Variants in ECHDC2 observed in about 807,000 individuals in gnomAD.
The protein encoded by ECHDC2 is enoyl-CoA hydratase domain containing 2.
Under a neutral mutation model 40.6 loss-of-function variants are expected in ECHDC2, and 34 were observed. That is an observed-to-expected ratio of 0.84 (90% CI 0.64 to 1.11). The LOEUF is 1.11. ECHDC2 is among the 50% of genes most tolerant of loss of function. ECHDC2 has a pLI of 0.00. For synonymous variants in ECHDC2, 162 were observed against 166.6 expected (o/e 0.97, Z 0.21); for missense variants, 392 against 400.7 (o/e 0.98, Z 0.19).
At chr1:52,920,352 T>G in intron 1 of ECHDC2, 1 of 670,074 alleles carries the variant, frequency 1.5e-6, no homozygotes, top group Non-Finnish European at 2.7e-6. Context: ...TCAAACTTGT[T>G]GTCAAGCCGG....
chr1:52,904,638 C>A lies in ECHDC2; in HGVS notation c.702+8G>T. ...AGCCCTCCTTCTGGTGCCGAGCTGT[C>A]ACCACACCTGGGGCAGGATCTCCTG... On this transcript the variant is annotated splice_region_variant and intron_variant, in intron 7 of 9. Coordinates refer to ENST00000371522, the MANE Select transcript of ECHDC2 (RefSeq NM_001198961.2). 6.3e-7 allele frequency: 1 copy of A among 1,575,126 alleles called. No homozygotes were observed. Among genetic ancestry groups the A allele is most frequent in the Non-Finnish European group, 8.6e-7 (1 of 1,158,946 alleles).
intron 4 of ECHDC2, 60 bp downstream of exon 4, chr1:52,907,808 G>T: frequency 7.0e-7 from 1 of 1,419,462 alleles, no homozygotes. Context: ...TGGGGGTAGC[G>T]GGACTGTCAT....
chr1:52,904,976 A>AT, intron 6 of ECHDC2, 58 bp downstream of exon 6: 2 of 1,611,498 alleles, frequency 1.2e-6, no homozygotes, highest in Non-Finnish European at 1.7e-6. Context: ...GCAAAAAAGG[A>AT]AAGCAGCGAA....
intron 7 of ECHDC2, among the ~76,000 whole-genome samples, chr1:52,902,643 T>C (rs1434603656): frequency 1.3e-5 from 2 of 152,258 alleles, no homozygotes; most frequent in Non-Finnish European, 2.9e-5. Flanking sequence ...TAAAATGATG[T>C]ATGGTTAACT....
chr1:52,914,933 TCA>T lies in ECHDC2; in HGVS notation c.122-3145_122-3144del, dbSNP rs1333061749. Among the ~76,000 whole-genome samples the T allele has an allele frequency of 1.3e-5, 2 of 152,036 alleles. No individual in the cohort carries two copies. Among genetic ancestry groups the T allele is most frequent in the African/African-American group, 4.8e-5 (2 of 41,374 alleles). ...ACACACATTCGTTCCCACATTTGGG[TCA>T]CAGTCATCTTTCTTACCCCAATCCG... On this transcript the variant is annotated intron_variant, in intron 1 of 9. Transcript: ENST00000371522. The surrounding 1 kb of genome is among the most constrained non-coding windows in gnomAD (Gnocchi z 4.0).
Position 52,904,679 on chromosome 1 carries a change from C to A in ECHDC2, c.669G>T (p.Arg223=). Residue 223 remains arginine (R), a synonymous_variant, in exon 7 of 10, where the codon CGG becomes CGT. Coordinates refer to ENST00000371522, the MANE Select transcript of ECHDC2 (RefSeq NM_001198961.2). ...GGATCTCCTGGGCCAGTGCTCGTGC[C>A]CGCTGGTAGGCGGCGTCCCCCTCCT... is the stretch of plus-strand genomic sequence containing the variant. ...QNEEGDAAYQ[R]ARALAQEILP... 1 of 1,609,412 alleles carries A rather than the reference C, an allele frequency of 6.2e-7. No homozygotes were observed. Among genetic ancestry groups the A allele is most frequent in the Non-Finnish European group, 8.5e-7 (1 of 1,178,328 alleles).
chr1:52,921,518 T>G, intron 1 of ECHDC2, 35 bp downstream of exon 1: 11 of 1,595,210 alleles, frequency 6.9e-6, no homozygotes, highest in African/African-American at 1.4e-5. Flanking sequence ...CTAGTCCCAG[T>G]CGCGTCATGC....
chr1:52,908,247 C>T (rs1328953735), intron 3 of ECHDC2, among the ~76,000 whole-genome samples: 13 of 152,152 alleles, frequency 8.5e-5, no homozygotes, highest in African/African-American at 2.7e-4. Flanking sequence ...CAGTGGCTCA[C>T]GCTTGCAATC....
rs1467016297 is a variant in ECHDC2 at position 52,914,073 on chromosome 1, C to T, written c.122-2283G>A. The T allele has an allele frequency of 1.3e-6, 1 of 782,414 alleles. No homozygotes were observed. Among genetic ancestry groups the T allele is most frequent in the Admixed American group, 2.3e-5 (1 of 42,934 alleles). The allele number at this position is 782,414 out of a possible 1,614,324, so 48.5% of individuals were successfully genotyped here. A position where few individuals can be genotyped will look rare whatever the true frequency, so the allele number is the denominator to read the frequency against. On this transcript the variant is annotated intron_variant, in intron 1 of 9. Transcript: ENST00000371522. The surrounding 1 kb of genome is among the most constrained non-coding windows in gnomAD (Gnocchi z 4.0). The stretch of plus-strand genomic sequence containing the variant: ...TCCAGAGACCAGGACAGACTCAAGG[C>T]CTGTCCTCATGGAACCTACAGCCTA...
intron 8 of ECHDC2, 156 bp downstream of exon 8, chr1:52,899,018 T>G: frequency 1.3e-6 from 1 of 755,178 alleles, no homozygotes. Flanking sequence ...TTTGCAGATG[T>G]GTAAACTGAC....
At chr1:52,920,873 C>A (rs1227215784) in intron 1 of ECHDC2, among the ~76,000 whole-genome samples, 3 of 152,218 alleles carry the variant, frequency 2.0e-5, no homozygotes, top group Admixed American at 6.5e-5. Flanking sequence ...CTGATGGTTA[C>A]CAGCAGAGGA....
chr1:52,898,527 CTTTTAA>C (rs1021120610), intron 8 of ECHDC2: 6 of 154,140 alleles, frequency 3.9e-5, no homozygotes, highest in African/African-American at 1.2e-4. Flanking sequence ...CCACATTTTA[CTTTTAA>C]TTTAAAAGCC....
chr1:52,902,645 T>C (rs1161768572), intron 7 of ECHDC2, among the ~76,000 whole-genome samples: 4 of 152,248 alleles, frequency 2.6e-5, no homozygotes, highest in Non-Finnish European at 5.9e-5. Context: ...AAATGATGTA[T>C]GGTTAACTTT....
chr1:52,904,420 A>G (rs1225666846), intron 7 of ECHDC2, among the ~76,000 whole-genome samples: 3 of 152,232 alleles, frequency 2.0e-5, no homozygotes, highest in Non-Finnish European at 4.4e-5. Flanking sequence ...TTACATTCAG[A>G]GGGCTTTCAA....
At chr1:52,904,067 C>T (rs1243231817) in intron 7 of ECHDC2, among the ~76,000 whole-genome samples, 1 of 152,270 alleles carries the variant, frequency 6.6e-6, no homozygotes, top group Middle Eastern at 3.4e-3. Context: ...ACACCCGCCT[C>T]AGCCTCCCAA....
intron 3 of ECHDC2, among the ~76,000 whole-genome samples, chr1:52,908,446 A>G (rs1015920077): frequency 6.6e-6 from 1 of 152,298 alleles, no homozygotes; most frequent in African/African-American, 2.4e-5. Flanking sequence ...GGCTGCAGTG[A>G]GCTGAGATCG....
chr1:52,909,104 A>G (rs932621612), intron 3 of ECHDC2, among the ~76,000 whole-genome samples: 1 of 152,148 alleles, frequency 6.6e-6, no homozygotes, highest in Admixed American at 6.5e-5. Flanking sequence ...AATGGCTTTT[A>G]AAACAAACAA....
chr1:52,920,031 GT>G (rs1651538757), intron 1 of ECHDC2, among the ~76,000 whole-genome samples: 1 of 152,214 alleles, frequency 6.6e-6, no homozygotes, highest in Non-Finnish European at 1.5e-5. Flanking sequence ...TTACCTAATG[GT>G]TGAGAACACA....
chr1:52,912,029 G>A, intron 1 of ECHDC2: 1 of 1,411,554 alleles, frequency 7.1e-7, no homozygotes, highest in Non-Finnish European at 9.2e-7. Context: ...AAACTGTGAA[G>A]CAAAATGGGG....
Sources: gnomAD v4.1 joint callset for allele counts (sites outside exome capture counted in the v4.1 genomes callset) on GRCh38, gnomAD v4.1.1 for gene constraint, Gnocchi (gnomAD v3.1) non-coding constraint, MANE v1.5 for transcripts, NCBI Gene and HGNC (gene_info 2026-07-23, HGNC 2026-07-21) for gene names.